ATF7: variants seen among roughly 807,000 people sequenced by gnomAD.
ATF7 encodes cyclic AMP-dependent transcription factor ATF-7.
In ATF7, 10 loss-of-function variants were observed where a neutral mutation model predicts 50.4. That is an observed-to-expected ratio of 0.20 (90% CI 0.12 to 0.34). The LOEUF (loss-of-function observed/expected upper bound fraction) is 0.34, where lower values mean the gene tolerates loss of function less well. Among genes scored for constraint, ATF7 ranks in the 10% least tolerant of loss-of-function variants. The pLI is 1.00. For missense variants in ATF7, 465 were observed against 613.9 expected, an observed-to-expected ratio of 0.76 and a Z score of 2.56; for synonymous variants, 201 against 226.4, an observed-to-expected ratio of 0.89 and a Z score of 1.01.
At chr12:53,623,929 G>A (rs746418868) in intron 1 of ATF7, among the ~76,000 whole-genome samples, 2 of 152,124 alleles carry the variant, frequency 1.3e-5, no homozygotes, top group Non-Finnish European at 2.9e-5. Flanking sequence ...GTAAACAAAC[G>A]TGTTTAAAAA....
intron 1 of ATF7, among the ~76,000 whole-genome samples, chr12:53,623,369 A>C (rs1475162213): frequency 2.6e-5 from 4 of 152,248 alleles, no homozygotes; most frequent in Admixed American, 6.5e-5. Context: ...TTTCTTTGAC[A>C]TATTTTTAAA....
At chr12:53,577,794 C>A (rs968211839) in intron 2 of ATF7, among the ~76,000 whole-genome samples, 5 of 150,832 alleles carry the variant, frequency 3.3e-5, no homozygotes, top group Admixed American at 3.3e-4. Context: ...ATAACTAAAG[C>A]GATAACTAAA....
At chr12:53,602,365 T>C (rs1210089068) in intron 1 of ATF7, among the ~76,000 whole-genome samples, 2 of 152,238 alleles carry the variant, frequency 1.3e-5, no homozygotes, top group African/African-American at 4.8e-5. Context: ...CTAGACTGAA[T>C]CTGGTAATCG....
intron 1 of ATF7, among the ~76,000 whole-genome samples, chr12:53,608,218 C>CAAAAAAA (rs71444811): frequency 2.2e-5 from 2 of 89,020 alleles, no homozygotes; most frequent in Non-Finnish European, 4.9e-5. Flanking sequence ...GACTCTGTCT[C>CAAAAAAA]AAAAAAAAAA....
intron 9 of ATF7, among the ~76,000 whole-genome samples, chr12:53,531,086 T>G (rs1161165594): frequency 6.6e-6 from 1 of 152,080 alleles, no homozygotes; most frequent in Non-Finnish European, 1.5e-5. Context: ...TCTGTCATAT[T>G]TTAGAGGATT....
At chr12:53,622,888 G>A (rs965589999) in intron 1 of ATF7, among the ~76,000 whole-genome samples, 2 of 152,138 alleles carry the variant, frequency 1.3e-5, no homozygotes, top group Admixed American at 1.3e-4. Context: ...GACTGCTTGA[G>A]GCCAAGAGTC....
chr12:53,615,218 C>T (rs973998535), intron 1 of ATF7, among the ~76,000 whole-genome samples: 2 of 151,888 alleles, frequency 1.3e-5, no homozygotes, highest in African/African-American at 4.8e-5. Context: ...CCCGTCTCTA[C>T]TAAAAATACA....
chr12:53,543,125 C>T lies in ATF7; in HGVS notation c.264+205G>A, dbSNP rs559960603. On this transcript the variant is annotated intron_variant, in intron 4 of 11. Transcript: ENST00000420353. ...CAAGAGGACTAATTTTCGGTGACGA[C>T]AGACTTGTGCTGATCCATCATCTGG... 44 of 1,445,586 alleles carry T rather than the reference C, an allele frequency of 3.0e-5. 1 individual carries two copies. In the South Asian group the frequency reaches 5.3e-4, roughly 17 times the overall value. 89.5% of individuals were successfully genotyped at this position (1,445,586 alleles called of 1,614,324 possible).
chr12:53,561,885 T>G (rs1356724628), intron 2 of ATF7, among the ~76,000 whole-genome samples: 1 of 152,116 alleles, frequency 6.6e-6, no homozygotes, highest in Non-Finnish European at 1.5e-5. Context: ...GTGAGCGACA[T>G]AATTTATAGA....
chr12:53,559,071 CAAG>C, intron 2 of ATF7, among the ~76,000 whole-genome samples: 1 of 149,190 alleles, frequency 6.7e-6, no homozygotes, highest in East Asian at 2.0e-4. Flanking sequence ...GGCTTGAGCC[CAAG>C]AGTTCAAGAC....
chr12:53,539,132 G>A (rs74089620), intron 4 of ATF7, among the ~76,000 whole-genome samples: 2 of 152,342 alleles, frequency 1.3e-5, no homozygotes, highest in African/African-American at 4.8e-5. Context: ...TGTACAGGCA[G>A]GAGGATACAC....
intron 2 of ATF7, among the ~76,000 whole-genome samples, chr12:53,570,273 T>G (rs961477964): frequency 6.6e-6 from 1 of 152,164 alleles, no homozygotes; most frequent in Non-Finnish European, 1.5e-5. Flanking sequence ...CTCCATTATA[T>G]CATAATGTAG....
chr12:53,519,913 AT>A (rs901162241), intron 11 of ATF7, among the ~76,000 whole-genome samples: 1 of 151,566 alleles, frequency 6.6e-6, no homozygotes, highest in Non-Finnish European at 1.5e-5. Flanking sequence ...TGCCTGGCTG[AT>A]TTTTTTTATT....
chr12:53,531,856 T>C lies in ATF7; in HGVS notation c.815A>G (p.Asn272Ser), dbSNP rs544572146. Residue 272 changes from asparagine to serine, a missense_variant, in exon 9 of 12, where the codon AAT becomes AGT. Physicochemically the swap from Asn to Ser is conservative, Grantham distance 46. Transcript: ENST00000420353. Reference protein sequence around the residue: ...ATLTHQVSSINGGCGMVVGTA... With the variant: ...ATLTHQVSSISGGCGMVVGTA... The stretch of plus-strand genomic sequence containing the variant: ...ACCCACCACCATTCCACAACCACCA[T>C]TGATTGAGGAGACTTGGTGAGTTAG... 115 of 1,613,588 alleles carry C rather than the reference T, an allele frequency of 7.1e-5. No homozygotes were observed. In the East Asian group the frequency reaches 2.2e-3, roughly 31 times the overall value.
chr12:53,552,376 G>A (rs756675178), intron 3 of ATF7, among the ~76,000 whole-genome samples, 165 bp downstream of exon 3: 2 of 152,154 alleles, frequency 1.3e-5, no homozygotes, highest in African/African-American at 2.4e-5. Context: ...GAGGGTACAA[G>A]AGAAACTTGG....
intron 2 of ATF7, among the ~76,000 whole-genome samples, chr12:53,581,323 A>C (rs1255743236): frequency 2.0e-5 from 3 of 151,998 alleles, no homozygotes; most frequent in Non-Finnish European, 4.4e-5. Flanking sequence ...ACACAGTTGA[A>C]CTCAACAGCA....
chr12:53,526,249 C>T (rs531857301), intron 9 of ATF7, among the ~76,000 whole-genome samples: 1 of 150,362 alleles, frequency 6.7e-6, no homozygotes, highest in East Asian at 2.0e-4. Flanking sequence ...GTACCTGCTT[C>T]TCCGGCCCCC....
At chr12:53,536,300 G>A (rs543582755) in intron 5 of ATF7, among the ~76,000 whole-genome samples, 2 of 148,408 alleles carry the variant, frequency 1.3e-5, no homozygotes, top group Admixed American at 6.7e-5. Flanking sequence ...TTTTTGAGAC[G>A]GAGTTTTGCT....
intron 2 of ATF7, among the ~76,000 whole-genome samples, chr12:53,585,464 G>A (rs1036373600): frequency 3.3e-5 from 5 of 151,932 alleles, no homozygotes; most frequent in African/African-American, 1.2e-4. Flanking sequence ...AGAATCCTCT[G>A]CACTTTTCAC....
Sources: allele counts gnomAD v4.1 joint callset (sites outside exome capture counted in the v4.1 genomes callset), GRCh38; gene constraint gnomAD v4.1.1; transcripts MANE v1.5; gene names NCBI Gene and HGNC (gene_info 2026-07-23, HGNC 2026-07-21).